The following HDAC7 variants were observed in gnomAD, a reference collection of about 807,000 sequenced individuals.
The protein encoded by HDAC7 is histone deacetylase 7.
A neutral mutation model predicts 115.5 loss-of-function variants in HDAC7; 26 were observed. The observed-to-expected ratio is 0.23, with a 90% confidence interval of 0.16 to 0.31. The LOEUF (loss-of-function observed/expected upper bound fraction) is 0.31, where lower values mean the gene tolerates loss of function less well. Among genes scored for constraint, HDAC7 ranks in the 10% least tolerant of loss-of-function variants. HDAC7 has a pLI of 1.00. For synonymous variants in HDAC7, 564 were observed against 550.9 expected (o/e 1.02, Z -0.33); for missense variants, 1,068 against 1,329.0 (o/e 0.80, Z 3.05).
chr12:47,797,737 G>A lies in HDAC7; in HGVS notation c.462-238C>T, dbSNP rs1943934726. Among the ~76,000 whole-genome samples the A allele has an allele frequency of 6.6e-6, 1 of 152,196 alleles. No individual in the cohort carries two copies. The highest frequency in any genetic ancestry group is 2.1e-4 in the South Asian group (1 of 4,834). On this transcript the variant is annotated intron_variant, in intron 5 of 25. Transcript: ENST00000080059. The surrounding 1 kb of genome is among the most constrained non-coding windows in gnomAD (Gnocchi z 5.5). ...GCCAGGTGCTTGGTGCGTGGGTGAAGAGCCCACTGGGGGCTCTGTCACCTG... is the reference window on the plus strand; with the variant it reads ...GCCAGGTGCTTGGTGCGTGGGTGAAAAGCCCACTGGGGGCTCTGTCACCTG...
chr12:47,817,556 C>T (rs374911773), intron 1 of HDAC7: 4 of 152,300 alleles, frequency 2.6e-5, no homozygotes, highest in Admixed American at 6.5e-5. Context: ...GGCCTCAGTC[C>T]GAAGTCTAAC....
At position 47,797,855 on chromosome 12, in the gene HDAC7, G is replaced by GGTGTGTGTGT. The variant is rs373121556; in HGVS notation, c.461+243_461+252dup. ...TCATGTGCAAGAAAAAAGCCAGTAG[G>GGTGTGTGTGT]GTGTGTGTGTGTGTGTGTGTGTGTG... On this transcript the variant is annotated intron_variant, in intron 5 of 25. Transcript: ENST00000080059. This position sits in a 1 kb window ranked among gnomAD's most constrained non-coding sequence, Gnocchi z 5.5. 0.049 allele frequency among the ~76,000 whole-genome samples: 6,028 copies of GGTGTGTGTGT among 123,776 alleles called. 181 individuals carry two copies. Among genetic ancestry groups the GGTGTGTGTGT allele is most frequent in the Non-Finnish European group, 0.063 (3,779 of 59,898 alleles). 81.2% of individuals were successfully genotyped at this position (123,776 alleles called of 152,430 possible). A position where few individuals can be genotyped will look rare whatever the true frequency, so the allele number is the denominator to read the frequency against.
chr12:47,800,027 G>T (rs765342043), intron 2 of HDAC7, among the ~76,000 whole-genome samples: 1 of 152,208 alleles, frequency 6.6e-6, no homozygotes, highest in Non-Finnish European at 1.5e-5. Flanking sequence ...GATTGGGGCT[G>T]AGGAGGGCTG....
chr12:47,817,615 T>G (rs1944886014), intron 1 of HDAC7: 1 of 152,312 alleles, frequency 6.6e-6, no homozygotes, highest in Admixed American at 6.5e-5. Context: ...GCCAGCAGAA[T>G]GGGCACTGGC....
chr12:47,793,336 T>TCCCACCACCCCCCA lies in HDAC7; in HGVS notation c.1678+32_1678+33insTGGGGGGTGGTGGG. The TCCCACCACCCCCCA allele has an allele frequency of 3.7e-6, 2 of 546,064 alleles. No individual in the cohort carries two copies. The highest frequency in any genetic ancestry group is 6.3e-6 in the Non-Finnish European group (2 of 316,658). The allele number at this position is 546,064 out of a possible 1,614,324, so 33.8% of individuals were successfully genotyped here. A position where few individuals can be genotyped will look rare whatever the true frequency, so the allele number is the denominator to read the frequency against. On this transcript the variant is annotated intron_variant, in intron 13 of 25. Coordinates refer to ENST00000080059, the MANE Select transcript of HDAC7 (RefSeq NM_015401.5). This position sits in a 1 kb window ranked among gnomAD's most constrained non-coding sequence, Gnocchi z 4.5. ...ACATGGACTCGTGCAGCCGAGCCCC[T>TCCCACCACCCCCCA]CCCTCCACCCGCCACCCTCCTCCCG... is the stretch of plus-strand genomic sequence containing the variant.
intron 13 of HDAC7, chr12:47,792,299 G>A (rs1943574433): frequency 6.4e-6 from 3 of 470,094 alleles, no homozygotes; most frequent in Non-Finnish European, 1.1e-5. Context: ...GGACACGACT[G>A]CTGGGTGGCC....
At chr12:47,796,422 C>CTTTATTTT in intron 7 of HDAC7, 124 bp from the exon 8 acceptor site, 1 of 566,878 alleles carries the variant, frequency 1.8e-6, no homozygotes, top group Non-Finnish European at 3.0e-6. Flanking sequence ...TTGCTTCCTG[C>CTTTATTTT]TTTCTTTTTT....
Position 47,795,246 on chromosome 12 carries a change from G to A in HDAC7, c.1222C>T (p.Pro408Ser), listed in dbSNP as rs1232414334. 2 of 1,612,474 alleles carry A rather than the reference G, an allele frequency of 1.2e-6. No homozygotes were observed. The highest frequency in any genetic ancestry group is 1.7e-6 in the Non-Finnish European group (2 of 1,178,994). Residue 408 changes from proline (P) to serine (S), a missense_variant, in exon 11 of 26, where the codon CCA becomes TCA. This residue lies in a region of HDAC7 where 618 missense variants were observed against 701.5 expected (regional missense o/e 0.88). Coordinates refer to ENST00000080059, the MANE Select transcript of HDAC7 (RefSeq NM_015401.5). The surrounding 1 kb of genome is among the most constrained non-coding windows in gnomAD (Gnocchi z 4.3). ...EPLPPSATAPPPPGPMQPRLE... is the reference protein window; with the variant it reads ...EPLPPSATAPSPPGPMQPRLE... ...CGGGGCTGCATGGGGCCCGGCGGTG[G>A]GGGAGCGGTGGCACTGGGGGGCAGG...
chr12:47,806,072 C>A (rs571618648), intron 1 of HDAC7, among the ~76,000 whole-genome samples: 1 of 152,370 alleles, frequency 6.6e-6, no homozygotes, highest in South Asian at 2.1e-4. Context: ...CTGGAAGCCG[C>A]CCTTTCTAAC....
intron 14 of HDAC7, 51 bp downstream of exon 14, chr12:47,791,820 C>CCCAAG: frequency 6.3e-7 from 1 of 1,581,810 alleles, no homozygotes; most frequent in Non-Finnish European, 8.6e-7. Context: ...CCCTCCCCTC[C>CCCAAG]CATGACTCCT....
intron 1 of HDAC7, among the ~76,000 whole-genome samples, chr12:47,806,771 C>T (rs1944422690): frequency 1.3e-5 from 2 of 152,166 alleles, no homozygotes; most frequent in African/African-American, 4.8e-5. Flanking sequence ...GTGATGCACC[C>T]AGCACATGGT....
Position 47,798,541 on chromosome 12 carries a change from C to A in HDAC7, c.349+21G>T, listed in dbSNP as rs1481165865. The A allele has an allele frequency of 3.1e-6, 5 of 1,608,196 alleles. No individual in the cohort carries two copies. Among genetic ancestry groups the A allele is most frequent in the East Asian group, 2.2e-5 (1 of 44,856 alleles). On this transcript the variant is annotated intron_variant, in intron 4 of 25. Coordinates refer to ENST00000080059, the MANE Select transcript of HDAC7 (RefSeq NM_015401.5). The surrounding 1 kb of genome is among the most constrained non-coding windows in gnomAD (Gnocchi z 4.3). ...ACCTGGCTGGTGGGGCTGGGCTGGG[C>A]TGGGGTGGCCACCTCCTTACTTCGC...
In HDAC7 at chr12:47,804,089, C is replaced by T. The variant is rs59630859; in HGVS notation, c.20-1815G>A. On this transcript the variant is annotated intron_variant, in intron 1 of 25. Coordinates refer to ENST00000080059, the MANE Select transcript of HDAC7 (RefSeq NM_015401.5). ...GTAACCACAGATTCCGGACACCATG[C>T]ACTCTCTGGATAGGAGAAAAATTAA... Among the ~76,000 whole-genome samples, 948 of 152,292 alleles carry T rather than the reference C, an allele frequency of 6.2e-3. 13 individuals are homozygous for T. Among genetic ancestry groups the T allele is most frequent in the African/African-American group, 0.022 (918 of 41,556 alleles).
rs778168362 is a variant in HDAC7 at position 47,795,337 on chromosome 12, T to C, written c.1131A>G (p.Leu377=). 1 of 1,610,766 alleles carries C rather than the reference T, an allele frequency of 6.2e-7. No individual in the cohort carries two copies. The change falls in exon 11 of 26, where the codon TTA becomes TTG. Residue 377 remains leucine, a synonymous_variant. Transcript: ENST00000080059. The surrounding 1 kb of genome is among the most constrained non-coding windows in gnomAD (Gnocchi z 4.3). ...GPLPFHFAQS[L]MTTERLSGSG... Reference sequence around the variant, plus strand: ...ACCCAGAGAGCCGCTCGGTGGTCATTAAGGACTGGGCAAAGTGGAAGGGCA... The same window carrying C: ...ACCCAGAGAGCCGCTCGGTGGTCATCAAGGACTGGGCAAAGTGGAAGGGCA...
intron 19 of HDAC7, 104 bp downstream of exon 19, chr12:47,789,153 CAGAG>C: frequency 1.2e-6 from 1 of 860,580 alleles, no homozygotes; most frequent in South Asian, 1.5e-5. Context: ...AACTGAGGCT[CAGAG>C]AGGCTACTGC....
In HDAC7 at chr12:47,800,935, T is replaced by C. The variant is rs116772250; in HGVS notation, c.70+1289A>G. ...CAATCTGGTCCTAACTTGGCTTCTC[T>C]CAACTTGGTCTGCATTTGAACATGA... On this transcript the variant is annotated intron_variant, in intron 2 of 25. Coordinates refer to ENST00000080059, the MANE Select transcript of HDAC7 (RefSeq NM_015401.5). 5.3e-3 allele frequency among the ~76,000 whole-genome samples: 805 copies of C among 152,366 alleles called. 10 individuals are homozygous for C. Among genetic ancestry groups the C allele is most frequent in the African/African-American group, 0.019 (779 of 41,586 alleles).
At chr12:47,819,020 A>C (rs542938072) in intron 1 of HDAC7, 1 of 152,132 alleles carries the variant, frequency 6.6e-6, no homozygotes, top group East Asian at 1.9e-4. Flanking sequence ...ACACCAACAG[A>C]CCCCAGGCCT....
intron 19 of HDAC7, 85 bp downstream of exon 19, chr12:47,789,176 G>A: frequency 9.4e-7 from 1 of 1,067,968 alleles, no homozygotes; most frequent in Non-Finnish European, 1.4e-6. Flanking sequence ...GCAGAACTAA[G>A]ACATGAAGCC....
chr12:47,809,937 T>TTTTG (rs1164794335), intron 1 of HDAC7, among the ~76,000 whole-genome samples: 2 of 151,824 alleles, frequency 1.3e-5, no homozygotes, highest in East Asian at 1.9e-4. Flanking sequence ...GATACTGTTT[T>TTTTG]TTTGTTTGTT....
Sources: gnomAD v4.1 joint callset for allele counts (sites outside exome capture counted in the v4.1 genomes callset) on GRCh38, gnomAD v4.1.1 for gene constraint, gnomAD v4.1.1 regional missense constraint, Gnocchi (gnomAD v3.1) non-coding constraint, MANE v1.5 for transcripts, NCBI Gene and HGNC (gene_info 2026-07-23, HGNC 2026-07-21) for gene names.